The following WWOX variants were observed in gnomAD, a reference collection of about 807,000 sequenced individuals.
WWOX encodes the protein WW domain-containing oxidoreductase.
Under a neutral mutation model 46.2 loss-of-function variants are expected in WWOX, and 69 were observed. The ratio of observed to expected loss-of-function variants is 1.49; its 90% CI spans 1.23 to 1.82. The LOEUF (loss-of-function observed/expected upper bound fraction) is 1.82. Among genes scored for constraint, WWOX ranks in the 40% most tolerant of loss-of-function variants. The pLI is 0.00. For synonymous variants in WWOX, 359 were observed against 202.6 expected, an observed-to-expected ratio of 1.77 and a Z score of -6.56; for missense variants, 919 against 542.6, an observed-to-expected ratio of 1.69 and a Z score of -6.89.
chr16:79,065,511 G>T (rs899516296), intron 8 of WWOX, among the ~76,000 whole-genome samples: 1 of 152,064 alleles, frequency 6.6e-6, no homozygotes, highest in Non-Finnish European at 1.5e-5. Flanking sequence ...GCCTAGGTGG[G>T]GTCAGTGGGT....
intron 8 of WWOX, among the ~76,000 whole-genome samples, chr16:79,117,794 G>C (rs1279737194): frequency 6.6e-6 from 1 of 152,142 alleles, no homozygotes; most frequent in East Asian, 1.9e-4. Flanking sequence ...ACCGACCTCT[G>C]CTAGCTTCCA....
chr16:78,976,770 A>G (rs1001534464), intron 8 of WWOX, among the ~76,000 whole-genome samples: 22 of 152,174 alleles, frequency 1.4e-4, no homozygotes, highest in African/African-American at 4.8e-4. Context: ...ACTACCGTTT[A>G]AAATACTTTT....
intron 8 of WWOX, chr16:79,090,190 C>T (rs35074985): frequency 0.026 from 3,978 of 151,814 alleles, 68 homozygotes; most frequent in African/African-American, 0.053. Context: ...ATAAAAAGGG[C>T]TGTTTCTTGA....
chr16:78,585,412 G>C (rs1323633604), intron 8 of WWOX, among the ~76,000 whole-genome samples: 4 of 152,108 alleles, frequency 2.6e-5, no homozygotes, highest in Non-Finnish European at 5.9e-5. Context: ...TTGTGGGGTT[G>C]ACTCTTACAG....
At chr16:78,905,879 A>G (rs937348070) in intron 8 of WWOX, among the ~76,000 whole-genome samples, 1 of 152,188 alleles carries the variant, frequency 6.6e-6, no homozygotes, top group Non-Finnish European at 1.5e-5. Context: ...ACGTGGCCCA[A>G]AGTCATTAGT....
At chr16:78,214,461 C>T (rs527916426) in intron 5 of WWOX, among the ~76,000 whole-genome samples, 18 of 152,270 alleles carry the variant, frequency 1.2e-4, no homozygotes, top group Admixed American at 9.1e-4. Context: ...GCTCTGTGGT[C>T]GCTGTCTGCA....
chr16:79,009,693 C>T (rs897055743), intron 8 of WWOX, among the ~76,000 whole-genome samples: 3 of 152,282 alleles, frequency 2.0e-5, no homozygotes, highest in Admixed American at 6.5e-5. Flanking sequence ...TCAGGTGATC[C>T]ACCCACCTCA....
intron 8 of WWOX, among the ~76,000 whole-genome samples, chr16:78,710,806 G>C (rs2048429310): frequency 6.6e-6 from 1 of 151,470 alleles, no homozygotes; most frequent in African/African-American, 2.4e-5. Flanking sequence ...GTAGAGATAG[G>C]ATCTCTCCCT....
intron 8 of WWOX, among the ~76,000 whole-genome samples, chr16:78,720,801 C>T (rs1196499165): frequency 6.6e-6 from 1 of 152,098 alleles, no homozygotes; most frequent in Non-Finnish European, 1.5e-5. Flanking sequence ...GCCCAAGTGC[C>T]TTCCTCCAAA....
At chr16:78,942,313 G>T (rs942580552) in intron 8 of WWOX, among the ~76,000 whole-genome samples, 1 of 152,122 alleles carries the variant, frequency 6.6e-6, no homozygotes, top group Non-Finnish European at 1.5e-5. Context: ...TTTGTAAGGG[G>T]TTAAAAGTCA....
At chr16:79,038,236 C>T (rs373939939) in intron 8 of WWOX, among the ~76,000 whole-genome samples, 120 of 152,030 alleles carry the variant, frequency 7.9e-4, no homozygotes, top group African/African-American at 2.7e-3. Flanking sequence ...TCCTCATGCA[C>T]GTGGTTATTC....
intron 8 of WWOX, among the ~76,000 whole-genome samples, chr16:79,028,506 T>C (rs920235369): frequency 1.3e-5 from 2 of 151,786 alleles, no homozygotes; most frequent in African/African-American, 4.9e-5. Flanking sequence ...CTATCATTTT[T>C]CTTTCCTCCT....
At chr16:78,848,991 G>A (rs868103343) in intron 8 of WWOX, among the ~76,000 whole-genome samples, 6 of 152,114 alleles carry the variant, frequency 3.9e-5, no homozygotes, top group African/African-American at 9.7e-5. Context: ...GCGATGACTC[G>A]CAAAGACATA....
At chr16:78,940,691 C>A (rs2045834440) in intron 8 of WWOX, among the ~76,000 whole-genome samples, 1 of 132,798 alleles carries the variant, frequency 7.5e-6, no homozygotes, top group African/African-American at 3.0e-5. Context: ...TTTTTTTTTC[C>A]TTTTGAATGA....
At chr16:78,747,190 ATTT>A (rs67902043) in intron 8 of WWOX, among the ~76,000 whole-genome samples, 6 of 129,210 alleles carry the variant, frequency 4.6e-5, no homozygotes, top group African/African-American at 2.9e-5. Flanking sequence ...TTTCTTGCCC[ATTT>A]TTTTTTTTTT....
chr16:78,930,767 TC>T (rs2045607276), intron 8 of WWOX, among the ~76,000 whole-genome samples: 1 of 152,102 alleles, frequency 6.6e-6, no homozygotes, highest in Non-Finnish European at 1.5e-5. Flanking sequence ...CTGGCAAGGT[TC>T]CACGGCACCT....
At chr16:78,793,740 C>T (rs561230719) in intron 8 of WWOX, among the ~76,000 whole-genome samples, 2 of 152,006 alleles carry the variant, frequency 1.3e-5, no homozygotes, top group East Asian at 3.9e-4. Flanking sequence ...GTGGGATAAA[C>T]ATTGCCTAGA....
intron 8 of WWOX, among the ~76,000 whole-genome samples, chr16:79,095,800 G>T (rs1381368466): frequency 6.6e-6 from 1 of 150,758 alleles, no homozygotes; most frequent in Admixed American, 6.6e-5. Context: ...CTTCACCCTT[G>T]CATACTCCTC....
intron 8 of WWOX, among the ~76,000 whole-genome samples, chr16:78,796,849 A>G (rs536432797): frequency 2.2e-5 from 3 of 137,264 alleles, no homozygotes; most frequent in Non-Finnish European, 4.6e-5. Flanking sequence ...TTTTTTAGCC[A>G]TAGTCTCACT....
Sources: gnomAD v4.1 joint callset for allele counts (sites outside exome capture counted in the v4.1 genomes callset) on GRCh38, gnomAD v4.1.1 for gene constraint, MANE v1.5 for transcripts, NCBI Gene and HGNC (gene_info 2026-07-23, HGNC 2026-07-21) for gene names.